Variants in PIP5K1B observed in about 807,000 individuals in gnomAD.
PIP5K1B encodes phosphatidylinositol 4-phosphate 5-kinase type-1 beta.
Under a neutral mutation model 67.0 loss-of-function variants are expected in PIP5K1B, and 42 were observed. The observed-to-expected ratio is 0.63, with a 90% CI of 0.49 to 0.81. The LOEUF is 0.81. Ranked by LOEUF, PIP5K1B falls within the 30% of genes least tolerant of loss-of-function variation. The pLI is 0.00. For missense variants in PIP5K1B, 459 were observed against 646.3 expected (o/e 0.71, Z 3.14); for synonymous variants, 214 against 231.4 (o/e 0.92, Z 0.68).
At chr9:68,942,715 A>G (rs999410379) in intron 14 of PIP5K1B, among the ~76,000 whole-genome samples, 17 of 152,176 alleles carry the variant, frequency 1.1e-4, no homozygotes, top group Non-Finnish European at 2.1e-4. Flanking sequence ...ATAAAAAGTT[A>G]TCTATGATAT....
At chr9:68,796,288 G>C (rs937151198) in intron 2 of PIP5K1B, among the ~76,000 whole-genome samples, 3 of 146,544 alleles carry the variant, frequency 2.0e-5, no homozygotes, top group African/African-American at 7.6e-5. Flanking sequence ...TTAATCCACT[G>C]TTACTCTTTA....
At chr9:68,880,492 T>A (rs1824129509) in intron 6 of PIP5K1B, among the ~76,000 whole-genome samples, 1 of 151,644 alleles carries the variant, frequency 6.6e-6, no homozygotes, top group African/African-American at 2.4e-5. Context: ...GAGGCAAAGG[T>A]TGCAGTGAGT....
intron 2 of PIP5K1B, among the ~76,000 whole-genome samples, chr9:68,753,330 C>T (rs968429691): frequency 1.4e-5 from 2 of 142,966 alleles, no homozygotes; most frequent in East Asian, 2.2e-4. Context: ...TATTTCCCCC[C>T]ACATTTTCTT....
chr9:68,851,348 T>C (rs919206272), intron 4 of PIP5K1B, among the ~76,000 whole-genome samples: 1 of 152,244 alleles, frequency 6.6e-6, no homozygotes, highest in Admixed American at 6.5e-5. Flanking sequence ...GTTTAGTGCC[T>C]AGTGTGTCAG....
At chr9:68,780,071 T>TCGGTGGCGGCGGCAG (rs1831154731) in intron 2 of PIP5K1B, 5 of 1,425,476 alleles carry the variant, frequency 3.5e-6, no homozygotes, top group Non-Finnish European at 3.7e-6. Context: ...TGACAGATTC[T>TCGGTGGCGGCGGCAG]CGGTGGCGGC....
intron 14 of PIP5K1B, among the ~76,000 whole-genome samples, chr9:68,982,615 A>G (rs2132898148): frequency 6.6e-6 from 1 of 152,184 alleles, no homozygotes; most frequent in South Asian, 2.1e-4. Flanking sequence ...AAAAAAAAGT[A>G]GTTGGGCATG....
chr9:68,973,313 T>C (rs1410364098), intron 14 of PIP5K1B, among the ~76,000 whole-genome samples: 1 of 152,214 alleles, frequency 6.6e-6, no homozygotes, highest in African/African-American at 2.4e-5. Context: ...GCTGTAGATA[T>C]GTAGATACAT....
chr9:68,818,435 A>G (rs1403828043), intron 2 of PIP5K1B, 26 bp from the exon 3 acceptor site: 1 of 152,452 alleles, frequency 6.6e-6, no homozygotes, highest in Non-Finnish European at 1.5e-5. Flanking sequence ...TGAATAAATG[A>G]TGACCAGAAA....
At chr9:68,969,300 G>A (rs1018881013) in intron 14 of PIP5K1B, among the ~76,000 whole-genome samples, 3 of 150,752 alleles carry the variant, frequency 2.0e-5, no homozygotes, top group African/African-American at 4.9e-5. Context: ...CCCAGGAGCC[G>A]GGGCTTGCAG....
chr9:68,905,354 A>G (rs1481025251), intron 8 of PIP5K1B, among the ~76,000 whole-genome samples: 1 of 152,112 alleles, frequency 6.6e-6, no homozygotes, highest in Non-Finnish European at 1.5e-5. Context: ...GCTGCTGTGG[A>G]TCTGGTTGTG....
chr9:68,886,531 G>T (rs1824486163), intron 6 of PIP5K1B, among the ~76,000 whole-genome samples: 1 of 152,192 alleles, frequency 6.6e-6, no homozygotes, highest in Non-Finnish European at 1.5e-5. Flanking sequence ...CACAGTTTCT[G>T]CTGCACCGAG....
intron 1 of PIP5K1B, among the ~76,000 whole-genome samples, chr9:68,711,576 T>C (rs1827394748): frequency 6.6e-6 from 1 of 152,246 alleles, no homozygotes; most frequent in African/African-American, 2.4e-5. Flanking sequence ...TCTTGGGATG[T>C]TCCATAATTA....
chr9:68,746,166 C>G (rs1173954843), intron 2 of PIP5K1B, among the ~76,000 whole-genome samples: 2 of 151,120 alleles, frequency 1.3e-5, no homozygotes, highest in African/African-American at 4.9e-5. Context: ...GCAACCTCCA[C>G]CTCCCGGGTT....
intron 8 of PIP5K1B, among the ~76,000 whole-genome samples, chr9:68,905,208 G>A (rs1429421181): frequency 6.6e-6 from 1 of 152,074 alleles, no homozygotes; most frequent in Non-Finnish European, 1.5e-5. Context: ...TGCCCCCAAG[G>A]ACCCCTCTTC....
At chr9:68,968,715 A>ATATATT (rs779031015) in intron 14 of PIP5K1B, among the ~76,000 whole-genome samples, 1 of 142,212 alleles carries the variant, frequency 7.0e-6, no homozygotes, top group Non-Finnish European at 1.5e-5. Context: ...ATATATATAT[A>ATATATT]TTTTTTTTTT....
At chr9:68,779,968 C>G (rs998349120) in intron 2 of PIP5K1B, 81 of 636,774 alleles carry the variant, frequency 1.3e-4, no homozygotes, top group Non-Finnish European at 4.6e-5. Flanking sequence ...CTACCACTGC[C>G]GCGCACATAT....
At chr9:68,797,324 T>C (rs1028753300) in intron 2 of PIP5K1B, among the ~76,000 whole-genome samples, 7 of 152,230 alleles carry the variant, frequency 4.6e-5, no homozygotes, top group Admixed American at 3.9e-4. Context: ...AATAAGTGGA[T>C]AGGCATTCCC....
intron 4 of PIP5K1B, among the ~76,000 whole-genome samples, chr9:68,836,724 G>A (rs1834631980): frequency 6.6e-6 from 1 of 151,976 alleles, no homozygotes. Context: ...TGAGTTAATA[G>A]ATGGGTGGGA....
At chr9:68,775,536 G>A (rs1338171229) in intron 2 of PIP5K1B, among the ~76,000 whole-genome samples, 1 of 152,174 alleles carries the variant, frequency 6.6e-6, no homozygotes, top group African/African-American at 2.4e-5. Context: ...TAGACAGCAT[G>A]GATGCACTGG....
Sources: gnomAD v4.1 joint callset for allele counts (sites outside exome capture counted in the v4.1 genomes callset) on GRCh38, gnomAD v4.1.1 for gene constraint, MANE v1.5 for transcripts, NCBI Gene and HGNC (gene_info 2026-07-23, HGNC 2026-07-21) for gene names.